The following DOT1L variants were observed in gnomAD, a reference collection of about 807,000 sequenced individuals.
DOT1L encodes the protein histone-lysine N-methyltransferase, H3 lysine-79 specific.
DOT1L carries 33 observed loss-of-function variants against 153.3 expected under a neutral mutation model. That is an observed-to-expected ratio of 0.22 (90% CI 0.16 to 0.29). DOT1L has a LOEUF of 0.29. Ranked by LOEUF, DOT1L falls within the 10% of genes least tolerant of loss-of-function variation. The probability of loss-of-function intolerance (pLI) is 1.00; values close to 1 mark genes in which losing one functional copy is unlikely to be tolerated. For missense variants in DOT1L, 1,847 were observed against 2,119.9 expected (o/e 0.87, Z 2.53); for synonymous variants, 1,135 against 965.1 (o/e 1.18, Z -3.26).
intron 1 of DOT1L, among the ~76,000 whole-genome samples, chr19:2,173,666 C>T (rs965061519): frequency 1.3e-5 from 2 of 152,240 alleles, no homozygotes; most frequent in African/African-American, 2.4e-5. Context: ...GTACAGCGGG[C>T]ACGGGTTCTG....
At chr19:2,227,903 GCCCCCTCCGCCTCCGCCTCCGCCT>G (rs2024425147) in intron 27 of DOT1L, 2 of 1,227,750 alleles carry the variant, frequency 1.6e-6, no homozygotes, top group Non-Finnish European at 2.1e-6. Context: ...AGACCCGGCC[GCCCCCTCCGCCTCCGCCTCCGCCT>G]CCCCCGCTGC....
Position 2,202,759 on chromosome 19 carries a change from G to A in DOT1L, c.767G>A (p.Arg256Gln), listed in dbSNP as rs1197029182. ...GPEVDHQLKE[R>Q]FANMKEGGRI... ...GAGGTGGATCACCAGCTGAAGGAGC[G>A]GTTTGCAAACATGAAGGAAGGTAAG... Residue 256 changes from arginine (R) to glutamine (Q), a missense_variant, in exon 9 of 28, where the codon CGG (arginine) becomes CAG (glutamine). Arg to Gln is a conservative substitution (Grantham distance 43). Coordinates refer to ENST00000398665, the MANE Select transcript of DOT1L (RefSeq NM_032482.3). 2 of 1,614,196 alleles carry A rather than the reference G, an allele frequency of 1.2e-6. No individual in the cohort carries two copies. Among genetic ancestry groups the A allele is most frequent in the Non-Finnish European group, 1.7e-6 (2 of 1,180,034 alleles).
In DOT1L at chr19:2,213,549, C is replaced by T; in HGVS notation, c.1568C>T (p.Ala523Val). The T allele has an allele frequency of 1.9e-6, 3 of 1,612,868 alleles. No homozygotes were observed. Among genetic ancestry groups the T allele is most frequent in the South Asian group, 1.1e-5 (1 of 91,048 alleles). Residue 523 changes from alanine (A) to valine (V), a missense_variant, in exon 17 of 28, where the codon GCC (alanine) becomes GTC (valine). Coordinates refer to ENST00000398665, the MANE Select transcript of DOT1L (RefSeq NM_032482.3). ...CTGTTTGTCCTACAGGAGAAGAACG[C>T]CCAGCTCCTGGGTGCGGCTCAGCAG... ...ELLGQEKEKN[A>V]QLLGAAQQLL... is the part of the protein sequence containing the mutation.
At chr19:2,221,849 C>T in intron 23 of DOT1L, 127 bp from the exon 24 acceptor site, 1 of 1,031,880 alleles carries the variant, frequency 9.7e-7, no homozygotes, top group Non-Finnish European at 1.4e-6. Context: ...TTTCAGACTC[C>T]CAACCCCTTC....
At chr19:2,201,410 C>A (rs933655062) in intron 8 of DOT1L, among the ~76,000 whole-genome samples, 6 of 152,202 alleles carry the variant, frequency 3.9e-5, no homozygotes, top group Non-Finnish European at 8.8e-5. Flanking sequence ...GTCCTCCCCG[C>A]ACCCTCGCTC....
intron 1 of DOT1L, 28 bp downstream of exon 1, chr19:2,164,293 C>A (rs137954898): frequency 4.8e-6 from 6 of 1,240,422 alleles, no homozygotes; most frequent in Non-Finnish European, 6.1e-6. Context: ...CCGTCCCTAC[C>A]TCCCGGCCTC....
chr19:2,231,939 T>A lies in DOT1L; in HGVS notation c.*2147T>A, dbSNP rs2024616547. The A allele has an allele frequency of 4.7e-6, 1 of 214,446 alleles. No individual in the cohort carries two copies. The highest frequency in any genetic ancestry group is 5.9e-5 in the Admixed American group (1 of 17,092). The allele number at this position is 214,446 out of a possible 1,614,324, so 13.3% of individuals were successfully genotyped here. A position where few individuals can be genotyped will look rare whatever the true frequency, so the allele number is the denominator to read the frequency against. On this transcript the variant is annotated 3_prime_UTR_variant, in exon 28 of 28. Transcript: ENST00000398665. ...CAGAAGTCTCCTTGAGCCCACTGGG[T>A]CATATGCGTGTCACCACACGTGAAC...
intron 23 of DOT1L, chr19:2,221,635 C>T: frequency 2.8e-6 from 1 of 352,922 alleles, no homozygotes; most frequent in Non-Finnish European, 5.2e-6. Context: ...CATGGTGTCT[C>T]TGAGATCACG....
At chr19:2,228,524 T>C (rs2024465310) in intron 27 of DOT1L, 5 of 1,161,228 alleles carry the variant, frequency 4.3e-6, no homozygotes, top group African/African-American at 3.3e-5. Context: ...ACCAGGGAGA[T>C]GGTCGCGAGA....
intron 12 of DOT1L, 126 bp downstream of exon 12, chr19:2,209,102 C>G: frequency 9.6e-7 from 1 of 1,043,604 alleles, no homozygotes; most frequent in Non-Finnish European, 1.4e-6. Context: ...CCTCGGGGCC[C>G]GGCCCTGTGC....
rs772186918 is a variant in DOT1L, at chr19:2,193,680, T to C, written c.494-9T>C. 6.2e-7 allele frequency: 1 copy of C among 1,613,446 alleles called. No individual in the cohort carries two copies. The highest frequency in any genetic ancestry group is 1.7e-5 in the Admixed American group (1 of 60,008). On this transcript the variant is annotated splice_polypyrimidine_tract_variant and intron_variant, in intron 5 of 27. Transcript: ENST00000398665. This position sits in a 1 kb window ranked among gnomAD's most constrained non-coding sequence, Gnocchi z 5.9. ...CTGTGTGGTATCTGATGGATCTCTCTGATCATAGGTGTGGGCCAGGTCGTG... is the reference window on the plus strand; with the variant it reads ...CTGTGTGGTATCTGATGGATCTCTCCGATCATAGGTGTGGGCCAGGTCGTG...
chr19:2,185,242 G>A (rs2022438063), intron 2 of DOT1L, among the ~76,000 whole-genome samples: 1 of 152,212 alleles, frequency 6.6e-6, no homozygotes, highest in South Asian at 2.1e-4. Flanking sequence ...GTTGCTTTTC[G>A]AGCTCTGATG....
At chr19:2,168,957 G>C (rs1402604461) in intron 1 of DOT1L, among the ~76,000 whole-genome samples, 1 of 152,168 alleles carries the variant, frequency 6.6e-6, no homozygotes, top group Non-Finnish European at 1.5e-5. Flanking sequence ...CCTTCTTCTA[G>C]TGGGAAGGGC....
intron 7 of DOT1L, 33 bp downstream of exon 7, chr19:2,194,610 G>A (rs756213841): frequency 3.7e-6 from 6 of 1,602,548 alleles, no homozygotes; most frequent in Admixed American, 3.3e-5. Flanking sequence ...GGCTCCCATC[G>A]CCGGCCCCAC....
chr19:2,198,023 C>T (rs1200164611), intron 7 of DOT1L, among the ~76,000 whole-genome samples: 3 of 152,206 alleles, frequency 2.0e-5, no homozygotes, highest in Admixed American at 6.5e-5. Context: ...GACCCAGACC[C>T]CCGCTTCCTA....
At position 2,185,906 on chromosome 19, in the gene DOT1L, T is replaced by A; in HGVS notation, c.177T>A (p.Val59=). The A allele has an allele frequency of 6.2e-7, 1 of 1,614,160 alleles. No individual in the cohort carries two copies. The highest frequency in any genetic ancestry group is 1.1e-5 in the South Asian group (1 of 91,084). The change falls in exon 3 of 28, where the codon GTT becomes GTA. Residue 59 remains valine, a synonymous_variant. Coordinates refer to ENST00000398665, the MANE Select transcript of DOT1L (RefSeq NM_032482.3). ...TCAAGCTCGCTATGGAGAATTACGT[T>A]TTAATTGACTATGACACCAAAAGGT... The part of the protein sequence containing the change: ...PDLKLAMENY[V]LIDYDTKSFE...
chr19:2,223,134 CAG>C lies in DOT1L; in HGVS notation c.3391-146_3391-145del, dbSNP rs532728429. The stretch of plus-strand genomic sequence containing the variant: ...GTGTGAGGACCAGGAAGAACCAGGA[CAG>C]GGGCTGTACTGGCCGCTGGGCAGGG... On this transcript the variant is annotated intron_variant, in intron 24 of 27. Transcript: ENST00000398665. The C allele has an allele frequency of 2.2e-3, 1,727 of 784,930 alleles. 3 individuals carry two copies. The highest frequency in any genetic ancestry group is 3.1e-3 in the Non-Finnish European group (1,539 of 494,718). 48.6% of individuals were successfully genotyped at this position (784,930 alleles called of 1,614,324 possible). A position where few individuals can be genotyped will look rare whatever the true frequency, so the allele number is the denominator to read the frequency against.
At chr19:2,225,094 C>T (rs2024273989) in intron 25 of DOT1L, among the ~76,000 whole-genome samples, 1 of 152,232 alleles carries the variant, frequency 6.6e-6, no homozygotes, top group African/African-American at 2.4e-5. Flanking sequence ...CTTCTGTGTG[C>T]TGGGAAATTG....
In DOT1L at chr19:2,193,796, G is replaced by T; in HGVS notation, c.588+13G>T. ...CAAGTATGCGGAGGTGAGCGGATCTGAGGGCCAGGGTGTGTTGGAGGCAGG... is the reference window on the plus strand; with the variant it reads ...CAAGTATGCGGAGGTGAGCGGATCTTAGGGCCAGGGTGTGTTGGAGGCAGG... On this transcript the variant is annotated intron_variant, in intron 6 of 27. Transcript: ENST00000398665. This position sits in a 1 kb window ranked among gnomAD's most constrained non-coding sequence, Gnocchi z 5.9. 1 of 1,612,322 alleles carries T rather than the reference G, an allele frequency of 6.2e-7. No homozygotes were observed. Among genetic ancestry groups the T allele is most frequent in the Non-Finnish European group, 8.5e-7 (1 of 1,179,052 alleles).
Sources: gnomAD v4.1 joint callset for allele counts (sites outside exome capture counted in the v4.1 genomes callset) on GRCh38, gnomAD v4.1.1 for gene constraint, Gnocchi (gnomAD v3.1) non-coding constraint, MANE v1.5 for transcripts, NCBI Gene and HGNC (gene_info 2026-07-23, HGNC 2026-07-21) for gene names.